Variants in HR observed in about 807,000 individuals in gnomAD.
The protein encoded by HR is lysine-specific demethylase hairless.
In HR, 83 loss-of-function variants were observed where a neutral mutation model predicts 128.6. The ratio of observed to expected loss-of-function variants is 0.65; its 90% confidence interval spans 0.54 to 0.77. The LOEUF (loss-of-function observed/expected upper bound fraction) is 0.77, where lower values mean the gene tolerates loss of function less well. Ranked by LOEUF, HR falls within the 30% of genes least tolerant of loss-of-function variation. HR has a pLI of 0.00. For synonymous variants in HR, 681 were observed against 658.2 expected (o/e 1.03, Z -0.53); for missense variants, 1,490 against 1,574.6 (o/e 0.95, Z 0.91).
Position 22,125,523 on chromosome 8 carries a change from G to A in HR, c.1557-19C>T, listed in dbSNP as rs370696797. ...AGGCGATCTGGAGAGAGGGCAGGGG[G>A]AGGTGAGCAGGGAGCCCTGGCGAGG... On this transcript the variant is annotated intron_variant, in intron 4 of 18. Coordinates refer to ENST00000381418, the MANE Select transcript of HR (RefSeq NM_005144.5). 3.7e-6 allele frequency: 6 copies of A among 1,613,036 alleles called. No individual in the cohort carries two copies. In the African/African-American group the frequency reaches 4.0e-5, roughly 11 times the overall value.
At chr8:22,122,317 TG>T (rs1826774003) in intron 8 of HR, among the ~76,000 whole-genome samples, 175 bp downstream of exon 8, 1 of 151,218 alleles carries the variant, frequency 6.6e-6, no homozygotes, top group African/African-American at 2.4e-5. Context: ...GGCATGGAGG[TG>T]GGAGGGGCCA....
In HR at chr8:22,116,066, C is replaced by G. The variant is rs572965992; in HGVS notation, c.3507+234G>C. ...AGGAGAATCACTTGAACCCAGGAGG[C>G]GGAGGTTGCAGGGAGCTGAGATAGT... On this transcript the variant is annotated intron_variant, in intron 18 of 18. Coordinates refer to ENST00000381418, the MANE Select transcript of HR (RefSeq NM_005144.5). The surrounding 1 kb of genome is among the most constrained non-coding windows in gnomAD (Gnocchi z 4.2). Among the ~76,000 whole-genome samples the G allele has an allele frequency of 6.6e-6, 1 of 152,132 alleles. No individual in the cohort carries two copies. The highest frequency in any genetic ancestry group is 2.4e-5 in the African/African-American group (1 of 41,430).
In HR at chr8:22,125,392, G is replaced by A; in HGVS notation, c.1669C>T (p.His557Tyr). 2 of 1,611,208 alleles carry A rather than the reference G, an allele frequency of 1.2e-6. No individual in the cohort carries two copies. The highest frequency in any genetic ancestry group is 1.7e-6 in the Non-Finnish European group (2 of 1,179,278). Residue 557 changes from histidine to tyrosine, a missense_variant, in exon 5 of 19, where the codon CAC becomes TAC. By Grantham distance (83) the His-to-Tyr change is moderately conservative. This residue lies in a region of HR where 1,060 missense variants were observed against 1,060.9 expected (regional missense o/e 1.00). Coordinates refer to ENST00000381418, the MANE Select transcript of HR (RefSeq NM_005144.5). The part of the protein sequence containing the change: ...DSRLSTGLAK[H>Y]LLSGLGDRLC... ...CGGTCCCCCAAACCACTGAGCAGGT[G>A]CTTGGCGAGGCCTGTGCTGAGCCGG...
chr8:22,126,678 A>C (rs527449275), intron 3 of HR, among the ~76,000 whole-genome samples: 36 of 152,288 alleles, frequency 2.4e-4, no homozygotes, highest in Admixed American at 1.8e-3. Context: ...CTTCTTCCCC[A>C]TTTTATAGAT....
At chr8:22,126,786 TGC>T (rs1023269646) in intron 3 of HR, among the ~76,000 whole-genome samples, 3 of 152,194 alleles carry the variant, frequency 2.0e-5, no homozygotes, top group Non-Finnish European at 4.4e-5. Context: ...TCCAGAGCCA[TGC>T]TCTGAACTAT....
chr8:22,123,616 A>AGGGGGGGGGCCCC, intron 6 of HR, 33 bp downstream of exon 6: 7 of 562,346 alleles, frequency 1.2e-5, no homozygotes, highest in Non-Finnish European at 1.8e-5. Context: ...TGAGGGCTCC[A>AGGGGGGGGGCCCC]TCCCGCCCTC....
Position 22,127,444 on chromosome 8 carries a change from G to A in HR, c.998C>T (p.Thr333Ile). The A allele has an allele frequency of 6.2e-7, 1 of 1,611,856 alleles. No homozygotes were observed. The highest frequency in any genetic ancestry group is 2.2e-5 in the East Asian group (1 of 44,838). Residue 333 changes from threonine (T) to isoleucine (I), a missense_variant, in exon 3 of 19, where the codon ACT becomes ATT. Thr to Ile is a moderately conservative substitution (Grantham distance 89). This residue lies in a region of HR where 1,060 missense variants were observed against 1,060.9 expected (regional missense o/e 1.00). Coordinates refer to ENST00000381418, the MANE Select transcript of HR (RefSeq NM_005144.5). ...QRGCCSSYPP[T>I]KGGGLGPCGK... ...ACAAGGGCCAAGACCCCCACCTTTA[G>A]TGGGTGGGTAGGATGAACAGCAGCC...
intron 1 of HR, among the ~76,000 whole-genome samples, chr8:22,129,567 C>T (rs565290505): frequency 3.9e-4 from 60 of 152,252 alleles, no homozygotes; most frequent in Non-Finnish European, 7.6e-4. Context: ...GGATCCTGAG[C>T]CTGACTCTGT....
chr8:22,121,248 TG>T lies in HR; in HGVS notation c.2204-21del. 6.2e-6 allele frequency: 10 copies of T among 1,612,304 alleles called. No homozygotes were observed. Among genetic ancestry groups the T allele is most frequent in the Non-Finnish European group, 8.5e-6 (10 of 1,179,178 alleles). The stretch of plus-strand genomic sequence containing the variant: ...GGGTCTCTGTCAGGGAGGAAGATGG[TG>T]GGGGGCTTCGCGTTTGGTCCCTCCT... On this transcript the variant is annotated intron_variant, in intron 9 of 18. Coordinates refer to ENST00000381418, the MANE Select transcript of HR (RefSeq NM_005144.5).
At chr8:22,120,261 G>T in intron 12 of HR, 81 bp downstream of exon 12, 1 of 1,610,006 alleles carries the variant, frequency 6.2e-7, no homozygotes, top group Non-Finnish European at 8.5e-7. Context: ...AGCCCCTCGG[G>T]GTCACCCTGG....
At chr8:22,118,707 G>A (rs551031128) in intron 16 of HR, 5 of 577,088 alleles carry the variant, frequency 8.7e-6, no homozygotes, top group African/African-American at 1.9e-5. Flanking sequence ...GGCAGCTGGT[G>A]CTCTCATTTC....
At chr8:22,122,726 G>A in intron 7 of HR, 64 bp downstream of exon 7, 1 of 1,504,444 alleles carries the variant, frequency 6.6e-7, no homozygotes, top group East Asian at 2.5e-5. Flanking sequence ...GGGACAATCA[G>A]ACGGGAAGCT....
At chr8:22,122,456 G>A (rs759080718) in intron 8 of HR, 37 bp downstream of exon 8, 1 of 1,481,116 alleles carries the variant, frequency 6.8e-7, no homozygotes, top group Non-Finnish European at 9.3e-7. Context: ...CCATTTGCAG[G>A]CACGATACCC....
rs1826862715 is a variant in HR at position 22,125,479 on chromosome 8, G to A, written c.1582C>T (p.Gln528Ter). 1.2e-6 allele frequency: 2 copies of A among 1,613,504 alleles called. No homozygotes were observed. The highest frequency in any genetic ancestry group is 1.7e-6 in the Non-Finnish European group (2 of 1,180,004). The stretch of plus-strand genomic sequence containing the variant: ...GAGTTGGTGGCTGTGTCTTCCTCCT[G>A]CTGCAGCTCCCCTCCCAGAGGCGAT... ...RRSPLGGELQ[Q>*]EEDTATNSSS... Residue 528 changes from glutamine (Q) to a stop codon, truncating the protein, a stop_gained, in exon 5 of 19, where the codon CAG (glutamine) becomes TAG (stop). Transcript: ENST00000381418. LOFTEE classifies it high-confidence loss of function.
chr8:22,125,317 G>T lies in HR; in HGVS notation c.1744C>A (p.Arg582=). ...CCCAGGAGGTCCTGTTCACCTTCCC[G>T]CTGGGCCCAAGCCAGGGCCTCCCGC... ...REREALAWAQ[R]EGQGPAVTED... The change falls in exon 5 of 19, where the codon CGG becomes AGG. Residue 582 remains arginine (R), a synonymous_variant. Transcript: ENST00000381418. 6.4e-7 allele frequency: 1 copy of T among 1,574,660 alleles called. No individual in the cohort carries two copies. The highest frequency in any genetic ancestry group is 8.6e-7 in the Non-Finnish European group (1 of 1,160,822).
In HR at chr8:22,120,783, A is replaced by G. The variant is rs1826725072; in HGVS notation, c.2543T>C (p.Leu848Pro). 1.4e-5 allele frequency: 21 copies of G among 1,534,638 alleles called. No homozygotes were observed. Among genetic ancestry groups the G allele is most frequent in the Non-Finnish European group, 1.8e-5 (20 of 1,137,562 alleles). Residue 848 changes from leucine (L) to proline (P), a missense_variant, in exon 11 of 19, where the codon CTG becomes CCG. By Grantham distance (98) the Leu-to-Pro change is moderately conservative. Around this residue, in one of 3 missense-constraint regions of HR, gnomAD observed 423 missense variants for 495.9 expected, o/e 0.85. Transcript: ENST00000381418. ...RLPPPGALLWLQEPQPCPRRG... is the reference protein window; with the variant it reads ...RLPPPGALLWPQEPQPCPRRG... ...CCGAGGGCAAGGCTGGGGCTCCTGC[A>G]GCCACAGCAAAGCCCCTGGGGGAGG...
At position 22,117,114 on chromosome 8, in the gene HR, T is replaced by C. The variant is rs898096199; in HGVS notation, c.3214-75A>G. ...CTGCAGGAGGATGGGGCATGGACTT[T>C]CCAGAGGCCAGGGGTGGAGAAAAGA... On this transcript the variant is annotated intron_variant, in intron 16 of 18. Coordinates refer to ENST00000381418, the MANE Select transcript of HR (RefSeq NM_005144.5). 9.4e-6 allele frequency: 13 copies of C among 1,376,514 alleles called. No homozygotes were observed. In the African/African-American group the frequency reaches 1.6e-4, roughly 17 times the overall value. 85.3% of individuals were successfully genotyped at this position (1,376,514 alleles called of 1,614,324 possible). A position where few individuals can be genotyped will look rare whatever the true frequency, so the allele number is the denominator to read the frequency against.
At chr8:22,127,004 C>T (rs375527038) in intron 3 of HR, 33 bp downstream of exon 3, 662 of 1,592,356 alleles carry the variant, frequency 4.2e-4, no homozygotes, top group Non-Finnish European at 5.3e-4. Context: ...CCCCCTCCCA[C>T]GCAGGGCCTG....
chr8:22,128,612 C>A lies in HR; in HGVS notation c.559G>T (p.Val187Leu), dbSNP rs1176067745. ...CDWPLTPHPWVYSGGQPKVPS... is the reference protein window; with the variant it reads ...CDWPLTPHPWLYSGGQPKVPS... ...ACTTTGGGCTGGCCCCCGGAGTATACCCAGGGGTGCGGGGTCAGGGGCCAG... is the reference window on the plus strand; with the variant it reads ...ACTTTGGGCTGGCCCCCGGAGTATAACCAGGGGTGCGGGGTCAGGGGCCAG... Residue 187 changes from valine (V) to leucine (L), a missense_variant, in exon 2 of 19, where the codon GTA (valine) becomes TTA (leucine). Physicochemically the swap from Val to Leu is conservative, Grantham distance 32 (BLOSUM62 1). This residue lies in a region of HR where 1,060 missense variants were observed against 1,060.9 expected (regional missense o/e 1.00). Transcript: ENST00000381418. 6.2e-7 allele frequency: 1 copy of A among 1,606,872 alleles called. No homozygotes were observed.
Sources: gnomAD v4.1 joint callset for allele counts (sites outside exome capture counted in the v4.1 genomes callset) on GRCh38, gnomAD v4.1.1 for gene constraint, gnomAD v4.1.1 regional missense constraint, Gnocchi (gnomAD v3.1) non-coding constraint, MANE v1.5 for transcripts, NCBI Gene and HGNC (gene_info 2026-07-23, HGNC 2026-07-21) for gene names.